Variants in DYSF observed in about 807,000 individuals in gnomAD.
DYSF encodes the protein dystrophy-associated fer-1-like 1.
DYSF carries 212 observed loss-of-function variants against 274.9 expected under a neutral mutation model. The observed-to-expected ratio is 0.77, with a 90% CI of 0.69 to 0.86. DYSF has a LOEUF of 0.86. Among genes scored for constraint, DYSF ranks in the 40% least tolerant of loss-of-function variants. DYSF has a pLI of 0.00. For missense variants in DYSF, 2,666 were observed against 2,783.2 expected (o/e 0.96, Z 0.95); for synonymous variants, 1,091 against 1,078.7 (o/e 1.01, Z -0.22).
chr2:71,565,882 C>T (rs1349586458), intron 24 of DYSF, among the ~76,000 whole-genome samples: 1 of 152,226 alleles, frequency 6.6e-6, no homozygotes, highest in African/African-American at 2.4e-5. Context: ...TTTCTCTCCC[C>T]ACCTCTCCCC....
intron 3 of DYSF, among the ~76,000 whole-genome samples, chr2:71,500,267 A>G (rs777652845): frequency 2.0e-5 from 3 of 151,974 alleles, no homozygotes; most frequent in Non-Finnish European, 4.4e-5. Context: ...TCCCTGAGCA[A>G]TGCTTCCTGG....
rs755229225 is a variant in DYSF at position 71,539,140 on chromosome 2, C to G, written c.1494-17C>G. On this transcript the variant is annotated splice_polypyrimidine_tract_variant and intron_variant, in intron 16 of 55. Coordinates refer to ENST00000410020, the MANE Select transcript of DYSF (RefSeq NM_001130987.2). ...TTCCTTTCCTGTGTTCAGGCCCTCT[C>G]TGCTCCCTTGCTCTAGGGACCGCCT... 1.2e-6 allele frequency: 2 copies of G among 1,612,688 alleles called. No homozygotes were observed. The highest frequency in any genetic ancestry group is 1.7e-6 in the Non-Finnish European group (2 of 1,178,778).
At position 71,539,172 on chromosome 2, in the gene DYSF, CA is replaced by C; in HGVS notation, c.1511del (p.Asn504MetfsTer9). ...CTTGCTCTAGGGACCGCCTGACTCACAATGACATCGTGGCTACCACCTACCT... is the reference window on the plus strand; with the variant it reads ...CTTGCTCTAGGGACCGCCTGACTCACATGACATCGTGGCTACCACCTACCT... ...RIIDWDRLTH[N>X]DIVATTYLSM... On this transcript the variant is annotated frameshift_variant, in exon 17 of 56. Transcript: ENST00000410020. LOFTEE classifies it high-confidence loss of function. 6.2e-7 allele frequency: 1 copy of C among 1,614,112 alleles called. No individual in the cohort carries two copies. Among genetic ancestry groups the C allele is most frequent in the Non-Finnish European group, 8.5e-7 (1 of 1,180,000 alleles).
chr2:71,621,505 A>C (rs1040432109), intron 41 of DYSF, among the ~76,000 whole-genome samples: 9 of 152,046 alleles, frequency 5.9e-5, no homozygotes, highest in African/African-American at 2.2e-4. Flanking sequence ...GATTTTTTAG[A>C]TATCTTTTAA....
intron 55 of DYSF, 134 bp from the exon 56 acceptor site, chr2:71,686,320 C>T (rs1240687200): frequency 5.4e-6 from 6 of 1,111,362 alleles, no homozygotes; most frequent in South Asian, 2.5e-5. Flanking sequence ...TGAAGAGCCA[C>T]GAGCGTCCTC....
chr2:71,618,431 TGG>T (rs200339108), intron 40 of DYSF, among the ~76,000 whole-genome samples: 3 of 41,908 alleles, frequency 7.2e-5, no homozygotes, highest in African/African-American at 2.0e-4. Context: ...GTGGTAGAGG[TGG>T]GGTGTGTGTG....
At chr2:71,624,409 T>C (rs1479993779) in intron 41 of DYSF, among the ~76,000 whole-genome samples, 4 of 152,248 alleles carry the variant, frequency 2.6e-5, no homozygotes, top group Non-Finnish European at 5.9e-5. Context: ...AGTATGACTT[T>C]CGAGTTGTCT....
rs1193054020 is a variant in DYSF, at chr2:71,544,286, C to T, written c.1576+5047C>T. Among the ~76,000 whole-genome samples the T allele has an allele frequency of 2.0e-5, 3 of 152,070 alleles. No individual in the cohort carries two copies. In the East Asian group the frequency reaches 5.8e-4, roughly 29 times the overall value. On this transcript the variant is annotated intron_variant, in intron 17 of 55. Coordinates refer to ENST00000410020, the MANE Select transcript of DYSF (RefSeq NM_001130987.2). ...GGTGTGTGGGTCTTTCTCTGTCCAT[C>T]CATCTCCTCAGATCTTTAGCTGGAG...
intron 12 of DYSF, among the ~76,000 whole-genome samples, chr2:71,523,953 A>G (rs1214495376): frequency 6.6e-6 from 1 of 152,084 alleles, no homozygotes; most frequent in Non-Finnish European, 1.5e-5. Context: ...TTAGCATGAC[A>G]TTCAAGGCCC....
chr2:71,551,097 G>T lies in DYSF; in HGVS notation c.1633G>T (p.Gly545Cys), dbSNP rs1452951027. The change falls in exon 18 of 56, where the codon GGC (glycine) becomes TGC (cysteine). Residue 545 changes from glycine (G) to cysteine (C), a missense_variant. By Grantham distance (159) the Gly-to-Cys change is radical. This residue lies in a region of DYSF where 794 missense variants were observed against 777.1 expected (regional missense o/e 1.02). Transcript: ENST00000410020. ...TGGGCCCTGCTACATCAACCTCTAT[G>T]GCAGTCCCAGAGAGTTCACAGGCTT... ...TFGPCYINLY[G>C]SPREFTGFPD... 1 of 1,614,158 alleles carries T rather than the reference G, an allele frequency of 6.2e-7. No individual in the cohort carries two copies. Among genetic ancestry groups the T allele is most frequent in the East Asian group, 2.2e-5 (1 of 44,880 alleles).
chr2:71,658,964 C>T lies in DYSF; in HGVS notation c.4842C>T (p.Pro1614=), dbSNP rs766968114. 1 of 1,614,062 alleles carries T rather than the reference C, an allele frequency of 6.2e-7. No individual in the cohort carries two copies. ...TCCACCAGCTGGCCGCCCAGGGACC[C>T]CAGGAGTGCTTGGTCCGTATCTACA... The part of the protein sequence containing the change: ...RQFHQLAAQG[P]QECLVRIYIV... The change falls in exon 44 of 56, where the codon CCC becomes CCT. Residue 1614 remains proline, a synonymous_variant. Coordinates refer to ENST00000410020, the MANE Select transcript of DYSF (RefSeq NM_001130987.2).
intron 4 of DYSF, among the ~76,000 whole-genome samples, chr2:71,509,412 TCAGCCTCC>T (rs1329866970): frequency 2.6e-5 from 4 of 152,132 alleles, no homozygotes; most frequent in Non-Finnish European, 4.4e-5. Flanking sequence ...TCCTCCTGTC[TCAGCCTCC>T]CAAAGTGCTG....
chr2:71,685,486 T>C (rs866035427), intron 55 of DYSF, among the ~76,000 whole-genome samples: 5 of 152,302 alleles, frequency 3.3e-5, no homozygotes, highest in Admixed American at 2.6e-4. Flanking sequence ...TACCAGATGA[T>C]GAGGGCCGGG....
intron 42 of DYSF, among the ~76,000 whole-genome samples, chr2:71,651,131 A>C (rs2094650189): frequency 6.6e-6 from 1 of 152,160 alleles, no homozygotes; most frequent in African/African-American, 2.4e-5. Context: ...AAGAAGCTAG[A>C]ATAATGATAA....
intron 40 of DYSF, 96 bp downstream of exon 40, chr2:71,613,506 G>C: frequency 1.9e-6 from 2 of 1,065,118 alleles, no homozygotes; most frequent in Non-Finnish European, 2.8e-6. Flanking sequence ...TTATCACACA[G>C]CCTCTATACA....
At chr2:71,662,830 TTGTGTATATGTG>T (rs1412009314) in intron 45 of DYSF, among the ~76,000 whole-genome samples, 1 of 141,824 alleles carries the variant, frequency 7.1e-6, no homozygotes, top group Non-Finnish European at 1.6e-5. Flanking sequence ...ATATGTGCAT[TTGTGTATATGTG>T]TGTGTATGTG....
chr2:71,502,835 G>C (rs2085118025), intron 3 of DYSF, among the ~76,000 whole-genome samples: 1 of 152,110 alleles, frequency 6.6e-6, no homozygotes, highest in African/African-American at 2.4e-5. Flanking sequence ...TGATCTGCTG[G>C]GGCTCAGGGG....
At chr2:71,481,761 T>C in intron 2 of DYSF, 118 bp from the exon 3 acceptor site, 3 of 764,754 alleles carry the variant, frequency 3.9e-6, no homozygotes, top group Admixed American at 2.0e-5. Context: ...CATCTGCCTA[T>C]CCACTAGAAT....
chr2:71,668,784 C>A lies in DYSF; in HGVS notation c.5488C>A (p.Pro1830Thr). 1 of 1,613,958 alleles carries A rather than the reference C, an allele frequency of 6.2e-7. No individual in the cohort carries two copies. Among genetic ancestry groups the A allele is most frequent in the East Asian group, 2.2e-5 (1 of 44,868 alleles). The change falls in exon 49 of 56, where the codon CCG becomes ACG. Residue 1830 changes from proline to threonine, a missense_variant. Pro to Thr is a conservative substitution (Grantham distance 38, BLOSUM62 -1). Around this residue, in one of 3 missense-constraint regions of DYSF, gnomAD observed 1,460 missense variants for 1,502.1 expected, o/e 0.97. Transcript: ENST00000410020. ...GCTGCAGATGTGGGTCGACCTATTTCCGAAGGCCCTGGGGCGGCCTGGACC... is the reference window on the plus strand; with the variant it reads ...GCTGCAGATGTGGGTCGACCTATTTACGAAGGCCCTGGGGCGGCCTGGACC... ...GKLQMWVDLFPKALGRPGPPF... is the reference protein window; with the variant it reads ...GKLQMWVDLFTKALGRPGPPF...
Sources: gnomAD v4.1 joint callset for allele counts (sites outside exome capture counted in the v4.1 genomes callset) on GRCh38, gnomAD v4.1.1 for gene constraint, gnomAD v4.1.1 regional missense constraint, MANE v1.5 for transcripts, NCBI Gene and HGNC (gene_info 2026-07-23, HGNC 2026-07-21) for gene names.